Variants in CSMD1 observed in about 807,000 individuals in gnomAD.
CSMD1 encodes the protein CUB and Sushi multiple domains 1, also known as CUB and sushi domain-containing protein 1.
In CSMD1, 213 loss-of-function variants were observed where a neutral mutation model predicts 417.5. That is an observed-to-expected ratio of 0.51 (90% CI 0.46 to 0.57). The LOEUF is 0.57. Ranked by LOEUF, CSMD1 falls within the 20% of genes least tolerant of loss-of-function variation. CSMD1 has a pLI of 0.00. For synonymous variants in CSMD1, 2,862 were observed against 1,736.8 expected, an observed-to-expected ratio of 1.65 and a Z score of -16.11; for missense variants, 6,923 against 4,529.7, an observed-to-expected ratio of 1.53 and a Z score of -15.17.
intron 3 of CSMD1, among the ~76,000 whole-genome samples, chr8:4,096,030 T>A (rs866839226): frequency 2.7e-5 from 4 of 149,580 alleles, no homozygotes; most frequent in African/African-American, 1.0e-4. Flanking sequence ...AATTCATGGG[T>A]ATAATGTGTG....
chr8:4,618,231 C>A (rs1801584467), intron 2 of CSMD1, among the ~76,000 whole-genome samples: 1 of 152,162 alleles, frequency 6.6e-6, no homozygotes, highest in African/African-American at 2.4e-5. Context: ...TCCTACCCAA[C>A]TCAAGCCCAG....
chr8:4,978,766 C>T (rs1281400594), intron 1 of CSMD1, among the ~76,000 whole-genome samples: 3 of 152,056 alleles, frequency 2.0e-5, no homozygotes, highest in African/African-American at 7.2e-5. Flanking sequence ...AGTGAAACCC[C>T]GTCTCCACTA....
At chr8:4,088,467 A>G (rs558316693) in intron 3 of CSMD1, among the ~76,000 whole-genome samples, 7 of 152,282 alleles carry the variant, frequency 4.6e-5, no homozygotes, top group Admixed American at 1.3e-4. Context: ...TCCATTCCCC[A>G]ACATCTCTCT....
intron 10 of CSMD1, among the ~76,000 whole-genome samples, chr8:3,511,963 G>C (rs572379391): frequency 1.3e-5 from 2 of 151,052 alleles, no homozygotes; most frequent in Non-Finnish European, 2.9e-5. Context: ...TTCACCTGCA[G>C]TTTTACAGTC....
chr8:3,637,791 G>A (rs938834811), intron 7 of CSMD1, among the ~76,000 whole-genome samples: 14 of 152,150 alleles, frequency 9.2e-5, no homozygotes, highest in African/African-American at 3.1e-4. Flanking sequence ...CATCTTGGGA[G>A]GGACCCAGTG....
At chr8:4,143,838 G>T (rs1016312065) in intron 3 of CSMD1, among the ~76,000 whole-genome samples, 1 of 151,160 alleles carries the variant, frequency 6.6e-6, no homozygotes, top group Non-Finnish European at 1.5e-5. Context: ...TGGGATTTAA[G>T]TACTTATTTT....
chr8:3,475,687 C>G (rs1412917981), intron 11 of CSMD1, among the ~76,000 whole-genome samples: 2 of 152,198 alleles, frequency 1.3e-5, no homozygotes, highest in Admixed American at 6.5e-5. Context: ...ATTGATATGT[C>G]TGGTTGCAGT....
intron 10 of CSMD1, among the ~76,000 whole-genome samples, chr8:3,499,035 C>T (rs149572519): frequency 1.4e-3 from 207 of 152,144 alleles, no homozygotes; most frequent in African/African-American, 4.0e-3. Flanking sequence ...GATTTTGTTC[C>T]CTTGGGGGTG....
At chr8:3,636,303 T>A (rs116095662) in intron 7 of CSMD1, among the ~76,000 whole-genome samples, 2,689 of 152,230 alleles carry the variant, frequency 0.018, 25 homozygotes, top group Middle Eastern at 0.068. Context: ...GAGGCTGTTG[T>A]ACAGGCCGGG....
At chr8:3,308,568 T>TGAAACAAACAAGGTTG in intron 23 of CSMD1, 65 bp from the exon 24 acceptor site, 2 of 1,328,046 alleles carry the variant, frequency 1.5e-6, no homozygotes, top group Non-Finnish European at 2.1e-6. Context: ...AAAACAGAGA[T>TGAAACAAACAAGGTTG]GAAACAAACA....
At chr8:4,426,061 C>G (rs534511639) in intron 2 of CSMD1, among the ~76,000 whole-genome samples, 2 of 150,282 alleles carry the variant, frequency 1.3e-5, no homozygotes, top group Non-Finnish European at 3.0e-5. Flanking sequence ...CTGAAGAAAA[C>G]TGGCCATAAA....
At chr8:3,405,402 G>A (rs1433093956) in intron 15 of CSMD1, among the ~76,000 whole-genome samples, 4 of 152,066 alleles carry the variant, frequency 2.6e-5, no homozygotes, top group African/African-American at 9.7e-5. Flanking sequence ...AACCAGAACA[G>A]AAATATGAAG....
intron 3 of CSMD1, among the ~76,000 whole-genome samples, chr8:4,223,418 C>G (rs773556259): frequency 6.6e-6 from 1 of 152,216 alleles, no homozygotes; most frequent in Admixed American, 6.5e-5. Flanking sequence ...AGGGCGTCAT[C>G]GCCAGGGATA....
intron 11 of CSMD1, among the ~76,000 whole-genome samples, chr8:3,470,510 C>G (rs1817024671): frequency 6.6e-6 from 1 of 152,158 alleles, no homozygotes; most frequent in African/African-American, 2.4e-5. Flanking sequence ...CTCGTTAAAA[C>G]TTTCCCTGTT....
intron 3 of CSMD1, among the ~76,000 whole-genome samples, chr8:4,083,056 A>G (rs1800225314): frequency 6.6e-6 from 1 of 151,976 alleles, no homozygotes; most frequent in Admixed American, 6.6e-5. Flanking sequence ...GCTATTGTGA[A>G]TAGTGCCACA....
intron 11 of CSMD1, among the ~76,000 whole-genome samples, chr8:3,474,533 T>G (rs557309636): frequency 1.3e-5 from 2 of 152,198 alleles, no homozygotes; most frequent in African/African-American, 4.8e-5. Context: ...AAAGTGTGTA[T>G]AGTTCACATT....
intron 2 of CSMD1, among the ~76,000 whole-genome samples, chr8:4,439,905 A>G (rs1798368498): frequency 6.6e-6 from 1 of 152,194 alleles, no homozygotes; most frequent in South Asian, 2.1e-4. Context: ...CACAACAGTT[A>G]ACAAGCTTAA....
chr8:3,962,261 G>T (rs1016041071), intron 5 of CSMD1, among the ~76,000 whole-genome samples: 1 of 152,140 alleles, frequency 6.6e-6, no homozygotes, highest in African/African-American at 2.4e-5. Flanking sequence ...TGGTCATGAT[G>T]AGGTTCTTCT....
chr8:3,915,949 T>G (rs147412234), intron 5 of CSMD1, among the ~76,000 whole-genome samples: 1 of 151,218 alleles, frequency 6.6e-6, no homozygotes, highest in Admixed American at 6.6e-5. Context: ...GCTCCAAACT[T>G]TAGGTAAACG....
Sources: allele counts gnomAD v4.1 joint callset (sites outside exome capture counted in the v4.1 genomes callset), GRCh38; gene constraint gnomAD v4.1.1; transcripts MANE v1.5; gene names NCBI Gene and HGNC (gene_info 2026-07-23, HGNC 2026-07-21).